ACYP2: variants seen among roughly 807,000 people sequenced by gnomAD.
The protein encoded by ACYP2 is acylphosphatase-2.
Under a neutral mutation model 11.2 loss-of-function variants are expected in ACYP2, and 12 were observed. The ratio of observed to expected loss-of-function variants is 1.08; its 90% CI spans 0.69 to 1.74. The LOEUF (loss-of-function observed/expected upper bound fraction) is 1.74, where lower values mean the gene tolerates loss of function less well. Among genes scored for constraint, ACYP2 ranks in the 40% most tolerant of loss-of-function variants. The pLI, the probability that ACYP2 is intolerant of heterozygous loss-of-function variation, is 0.00. For missense variants in ACYP2, 134 were observed against 101.9 expected, an observed-to-expected ratio of 1.31 and a Z score of -1.35; for synonymous variants, 43 against 32.2, an observed-to-expected ratio of 1.33 and a Z score of -1.13.
At chr2:54,192,499 G>T (rs999645533) in intron 6 of ACYP2, among the ~76,000 whole-genome samples, 1 of 152,084 alleles carries the variant, frequency 6.6e-6, no homozygotes, top group Non-Finnish European at 1.5e-5. Flanking sequence ...TACAAATGAA[G>T]ATAACATATC....
chr2:54,275,494 A>G (rs562729557), intron 6 of ACYP2, among the ~76,000 whole-genome samples: 3 of 152,328 alleles, frequency 2.0e-5, no homozygotes, highest in South Asian at 4.1e-4. Context: ...TCTAGCTTCC[A>G]GTATTAGGTC....
intron 2 of ACYP2, chr2:53,973,901 G>GTGTGTGTATA (rs1228124527): frequency 1.1e-5 from 1 of 87,556 alleles, no homozygotes; most frequent in African/African-American, 4.5e-5. Flanking sequence ...GTGTGTGTGT[G>GTGTGTGTATA]TATATATTTT....
chr2:54,000,666 T>C (rs139097522), intron 2 of ACYP2, among the ~76,000 whole-genome samples: 3 of 152,050 alleles, frequency 2.0e-5, no homozygotes, highest in Non-Finnish European at 4.4e-5. Context: ...GAAGTTGGAG[T>C]TGCAACAGGT....
At chr2:54,229,496 A>G (rs1046333827) in intron 6 of ACYP2, among the ~76,000 whole-genome samples, 2 of 152,198 alleles carry the variant, frequency 1.3e-5, no homozygotes, top group Non-Finnish European at 2.9e-5. Flanking sequence ...TGCAGAATGT[A>G]TATTATTTGG....
intron 6 of ACYP2, among the ~76,000 whole-genome samples, chr2:54,153,929 C>A (rs75710308): frequency 1.3e-5 from 2 of 152,036 alleles, no homozygotes; most frequent in East Asian, 1.9e-4. Flanking sequence ...AATATTAATT[C>A]TTCCAATCCA....
chr2:54,201,828 C>T (rs1558609501), intron 6 of ACYP2, among the ~76,000 whole-genome samples: 1 of 151,578 alleles, frequency 6.6e-6, no homozygotes, highest in Non-Finnish European at 1.5e-5. Flanking sequence ...CCTGCCTCAT[C>T]CTCCCAAGTA....
intron 2 of ACYP2, among the ~76,000 whole-genome samples, chr2:54,025,464 CAT>C (rs1421998736): frequency 2.0e-5 from 3 of 152,174 alleles, no homozygotes; most frequent in South Asian, 2.1e-4. Flanking sequence ...CAAACAAAAA[CAT>C]AAAGTGGGGA....
At chr2:54,069,546 T>C (rs934216707) in intron 4 of ACYP2, among the ~76,000 whole-genome samples, 15 of 151,970 alleles carry the variant, frequency 9.9e-5, no homozygotes, top group African/African-American at 3.1e-4. Flanking sequence ...CCTGTAGTCC[T>C]AGCTACTCGG....
intron 6 of ACYP2, among the ~76,000 whole-genome samples, chr2:54,175,973 C>T (rs1002618539): frequency 6.6e-6 from 1 of 152,120 alleles, no homozygotes; most frequent in Non-Finnish European, 1.5e-5. Flanking sequence ...GGAGAGCTCT[C>T]ACACCCCCTT....
In ACYP2 at chr2:54,187,577, A is replaced by G. The variant is rs1275158427; in HGVS notation, c.404+48829A>G. ...CAGACCAGAGCAAATAGCAAGGTCC[A>G]GGGACATACATCAGGGCTGCCATGT... On this transcript the variant is annotated intron_variant, in intron 6 of 6. Coordinates refer to ENST00000607452, the MANE Select transcript of ACYP2 (RefSeq NM_001320586.2). 2.0e-5 allele frequency among the ~76,000 whole-genome samples: 3 copies of G among 152,322 alleles called. No homozygotes were observed. The East Asian group carries it at 5.8e-4, about 29-fold the overall frequency.
Position 53,984,291 on chromosome 2 carries a change from A to C in ACYP2, c.62+10481A>C, listed in dbSNP as rs555860577. 2.4e-4 allele frequency among the ~76,000 whole-genome samples: 37 copies of C among 152,274 alleles called. No individual in the cohort carries two copies. In the East Asian group the frequency reaches 6.9e-3, roughly 29 times the overall value. On this transcript the variant is annotated intron_variant, in intron 2 of 6. Transcript: ENST00000607452. ...ACATAGATGGAGAAACTCAACAAAA[A>C]TTCTGGCCAGGCGAGGCAGCTTATG...
intron 4 of ACYP2, among the ~76,000 whole-genome samples, chr2:54,077,978 T>C (rs1227365162): frequency 1.3e-5 from 2 of 151,876 alleles, no homozygotes; most frequent in Non-Finnish European, 2.9e-5. Context: ...CTTTCTTTTT[T>C]TTTTTTTTCA....
intron 6 of ACYP2, among the ~76,000 whole-genome samples, chr2:54,205,272 A>C (rs1685024342): frequency 6.6e-6 from 1 of 152,162 alleles, no homozygotes; most frequent in Admixed American, 6.5e-5. Context: ...AAAAATTCTG[A>C]GACAGCATCT....
rs1175208279 is a variant in ACYP2, at chr2:54,138,744, T to C, written c.400T>C (p.Ser134Pro). 1.2e-6 allele frequency: 2 copies of C among 1,606,768 alleles called. No individual in the cohort carries two copies. The highest frequency in any genetic ancestry group is 2.2e-5 in the South Asian group (2 of 89,726). Reference sequence around the variant, plus strand: ...GCAGGGGCCAGAAGACAAAGTCAATTCCATGTGAGTAGTAAAATTAATAAC... The same window carrying C: ...GCAGGGGCCAGAAGACAAAGTCAATCCCATGTGAGTAGTAAAATTAATAAC... The change falls in exon 6 of 7, where the codon TCC becomes CCC. Residue 134 changes from serine (S) to proline (P), a missense_variant. Physicochemically the swap from Ser to Pro is moderately conservative, Grantham distance 74. Coordinates refer to ENST00000607452, the MANE Select transcript of ACYP2 (RefSeq NM_001320586.2).
chr2:54,024,031 C>A (rs1418951083), intron 2 of ACYP2, among the ~76,000 whole-genome samples: 1 of 152,022 alleles, frequency 6.6e-6, no homozygotes, highest in African/African-American at 2.4e-5. Flanking sequence ...AACATAGATG[C>A]AAAAATCCTC....
intron 2 of ACYP2, among the ~76,000 whole-genome samples, chr2:54,046,330 T>G (rs151174585): frequency 1.9e-3 from 288 of 151,772 alleles, no homozygotes; most frequent in African/African-American, 6.8e-3. Context: ...AATACAAAAA[T>G]TAGCTGGGTG....
intron 6 of ACYP2, among the ~76,000 whole-genome samples, chr2:54,201,219 C>A (rs1684740529): frequency 6.6e-6 from 1 of 152,028 alleles, no homozygotes; most frequent in Admixed American, 6.6e-5. Context: ...CATTCTCCTG[C>A]CTCAGCTTCC....
intron 4 of ACYP2, among the ~76,000 whole-genome samples, chr2:54,122,487 C>G (rs1422946077): frequency 6.6e-6 from 1 of 152,170 alleles, no homozygotes; most frequent in African/African-American, 2.4e-5. Context: ...TATCAGCTTT[C>G]CTTCTCTTCA....
chr2:54,080,777 C>T (rs1677604847), intron 4 of ACYP2, among the ~76,000 whole-genome samples: 1 of 151,922 alleles, frequency 6.6e-6, no homozygotes, highest in African/African-American at 2.4e-5. Context: ...CATGAGCCAC[C>T]GTGCCCTGCC....
Sources: gnomAD v4.1 joint callset for allele counts (sites outside exome capture counted in the v4.1 genomes callset) on GRCh38, gnomAD v4.1.1 for gene constraint, MANE v1.5 for transcripts, NCBI Gene and HGNC (gene_info 2026-07-23, HGNC 2026-07-21) for gene names.